Variants in TBC1D1 observed in about 807,000 individuals in gnomAD.
TBC1D1 encodes the protein TBC1 (tre-2/USP6, BUB2, cdc16) domain family, member 1.
TBC1D1 carries 89 observed loss-of-function variants against 125.6 expected under a neutral mutation model. That is an observed-to-expected ratio of 0.71 (90% confidence interval 0.60 to 0.85). TBC1D1 has a LOEUF of 0.85. Among genes scored for constraint, TBC1D1 ranks in the 40% least tolerant of loss-of-function variants. The pLI, the probability that TBC1D1 is intolerant of heterozygous loss-of-function variation, is 0.00. For missense variants in TBC1D1, 1,377 were observed against 1,469.2 expected, an observed-to-expected ratio of 0.94 and a Z score of 1.03; for synonymous variants, 565 against 564.1, an observed-to-expected ratio of 1.00 and a Z score of -0.02.
intron 2 of TBC1D1, among the ~76,000 whole-genome samples, chr4:37,961,388 A>C (rs1730031461): frequency 6.6e-6 from 1 of 152,248 alleles, no homozygotes; most frequent in African/African-American, 2.4e-5. Flanking sequence ...TAATTAAAAG[A>C]ATGAGAATTT....
chr4:38,049,490 C>A, intron 10 of TBC1D1, 128 bp from the exon 11 acceptor site: 1 of 1,127,728 alleles, frequency 8.9e-7, no homozygotes, highest in Non-Finnish European at 1.3e-6. Flanking sequence ...TTGGTGGTGG[C>A]TTCTAGATGG....
intron 12 of TBC1D1, among the ~76,000 whole-genome samples, chr4:38,076,363 T>C (rs1755596039): frequency 6.6e-6 from 1 of 152,210 alleles, no homozygotes; most frequent in South Asian, 2.1e-4. Flanking sequence ...TTATGAGAAC[T>C]ACAATTCAAG....
At chr4:37,898,547 G>C (rs910183344) in intron 1 of TBC1D1, among the ~76,000 whole-genome samples, 3 of 152,166 alleles carry the variant, frequency 2.0e-5, no homozygotes, top group African/African-American at 7.2e-5. Flanking sequence ...CTTGCTTCCT[G>C]TACTTCCCAC....
chr4:38,000,846 C>T (rs577285784), intron 2 of TBC1D1, among the ~76,000 whole-genome samples: 1 of 152,238 alleles, frequency 6.6e-6, no homozygotes, highest in African/African-American at 2.4e-5. Context: ...CCACCACCTC[C>T]TCCTCAGGGT....
chr4:38,111,813 T>C (rs1014430939), intron 15 of TBC1D1: 5 of 382,788 alleles, frequency 1.3e-5, no homozygotes, highest in Non-Finnish European at 1.8e-5. Context: ...CCCAATAGAA[T>C]TTCGTGTAAA....
intron 15 of TBC1D1, among the ~76,000 whole-genome samples, chr4:38,114,017 T>C (rs1762565374): frequency 1.3e-5 from 2 of 151,824 alleles, no homozygotes; most frequent in African/African-American, 4.8e-5. Context: ...TCCAGTTCAG[T>C]TGCATGTGCT....
rs1204494751 is a variant in TBC1D1, at chr4:38,020,614, T to G, written c.996T>G (p.Phe332Leu). Residue 332 changes from phenylalanine (F) to leucine (L), a missense_variant, in exon 5 of 20, where the codon TTT becomes TTG. Around this residue, in one of 3 missense-constraint regions of TBC1D1, gnomAD observed 822 missense variants for 824.6 expected, o/e 1.00. Transcript: ENST00000261439. ...AGGGCATCAGACACGTGGACCACTT[T>G]GGGTTTATCTGTCGGGAGTCTTCCG... 1.2e-6 allele frequency: 2 copies of G among 1,613,130 alleles called. No individual in the cohort carries two copies. Among genetic ancestry groups the G allele is most frequent in the Admixed American group, 3.3e-5 (2 of 60,006 alleles).
chr4:38,052,138 G>A, intron 11 of TBC1D1, 78 bp downstream of exon 12: 1 of 1,442,940 alleles, frequency 6.9e-7, no homozygotes. Flanking sequence ...TGCTGAATGG[G>A]GGGAATGTCC....
intron 12 of TBC1D1, among the ~76,000 whole-genome samples, chr4:38,079,947 A>G (rs1045383870): frequency 6.6e-6 from 1 of 152,340 alleles, no homozygotes; most frequent in South Asian, 2.1e-4. Context: ...CAGAGATTCA[A>G]CCTTTTGTGT....
intron 7 of TBC1D1, 25 bp downstream of exon 7, chr4:38,027,904 G>A: frequency 6.6e-7 from 1 of 1,518,238 alleles, no homozygotes; most frequent in East Asian, 2.3e-5. Flanking sequence ...CTAATTTCTA[G>A]AAGGAAAGAA....
chr4:37,950,490 C>T (rs1727602001), intron 2 of TBC1D1, among the ~76,000 whole-genome samples: 2 of 124,462 alleles, frequency 1.6e-5, no homozygotes, highest in Admixed American at 8.7e-5. Context: ...TCAAAAAATT[C>T]TTAAGACTTC....
At chr4:38,108,645 G>T (rs116228723) in intron 15 of TBC1D1, among the ~76,000 whole-genome samples, 2 of 152,236 alleles carry the variant, frequency 1.3e-5, no homozygotes, top group African/African-American at 4.8e-5. Context: ...CAGACTACAC[G>T]TGTGGGTCAC....
intron 17 of TBC1D1, among the ~76,000 whole-genome samples, chr4:38,119,492 G>A (rs1269769296): frequency 6.6e-6 from 1 of 150,956 alleles, no homozygotes; most frequent in Admixed American, 6.6e-5. Context: ...TTTAGTGAGA[G>A]TTCATGAAGG....
intron 2 of TBC1D1, among the ~76,000 whole-genome samples, chr4:37,917,557 A>G (rs1169784039): frequency 1.3e-5 from 2 of 152,174 alleles, no homozygotes; most frequent in Non-Finnish European, 2.9e-5. Flanking sequence ...GTCTGTCCAC[A>G]GTAGATGGGG....
At chr4:38,101,953 C>A (rs922504760) in intron 14 of TBC1D1, among the ~76,000 whole-genome samples, 1 of 152,012 alleles carries the variant, frequency 6.6e-6, no homozygotes, top group African/African-American at 2.4e-5. Context: ...TTCTGTGGAA[C>A]CTTGATTGCT....
intron 2 of TBC1D1, among the ~76,000 whole-genome samples, chr4:37,959,772 G>A (rs2152330177): frequency 6.6e-6 from 1 of 152,300 alleles, no homozygotes. Flanking sequence ...GGTTGGGTTG[G>A]CAAAGGTATA....
At chr4:37,910,739 C>T (rs925180723) in intron 2 of TBC1D1, among the ~76,000 whole-genome samples, 55 of 152,014 alleles carry the variant, frequency 3.6e-4, no homozygotes, top group Middle Eastern at 3.4e-3. Flanking sequence ...GTATTTGATA[C>T]AACGGAGTGA....
In TBC1D1 at chr4:38,014,630, G is replaced by A. The variant is rs750978970; in HGVS notation, c.539G>A (p.Arg180His). 39 of 1,613,262 alleles carry A rather than the reference G, an allele frequency of 2.4e-5. No homozygotes were observed. In the Admixed American group the frequency reaches 5.7e-4, roughly 23 times the overall value. The stretch of plus-strand genomic sequence containing the variant: ...AAGTTCGAGGTGCTCTTCTGCGGCC[G>A]CGTGACGGTGGCGCACAAGAAGGCT... Residue 180 changes from arginine to histidine, a missense_variant, in exon 3 of 20, where the codon CGC becomes CAC. Transcript: ENST00000261439. The surrounding 1 kb of genome is among the most constrained non-coding windows in gnomAD (Gnocchi z 5.1).
intron 12 of TBC1D1, among the ~76,000 whole-genome samples, chr4:38,067,340 G>C (rs1029933145): frequency 1.3e-5 from 2 of 152,188 alleles, no homozygotes; most frequent in African/African-American, 4.8e-5. Flanking sequence ...AGGTGTTTTT[G>C]CTGGAGAATG....
Sources: allele counts gnomAD v4.1 joint callset (sites outside exome capture counted in the v4.1 genomes callset), GRCh38; gene constraint gnomAD v4.1.1; regional missense constraint gnomAD v4.1.1; non-coding constraint Gnocchi (gnomAD v3.1); transcripts MANE v1.5; gene names NCBI Gene and HGNC (gene_info 2026-07-23, HGNC 2026-07-21).